MEIKIN: variants seen among roughly 807,000 people sequenced by gnomAD.
MEIKIN encodes the protein meiosis-specific kinetochore protein.
In MEIKIN at chr5:131,885,366, AGAGAGAGAGAGAGAG is replaced by A. The variant is rs1750769859; in HGVS notation, c.704-6333_704-6319del. Among the ~76,000 whole-genome samples the A allele has an allele frequency of 3.6e-3, 250 of 69,062 alleles. 21 individuals are homozygous for A. Among genetic ancestry groups the A allele is most frequent in the African/African-American group, 8.7e-3 (190 of 21,926 alleles). The allele number at this position is 69,062 out of a possible 152,430, so 45.3% of individuals were successfully genotyped here. On this transcript the variant is annotated intron_variant, in intron 8 of 12. Coordinates refer to ENST00000442687, the MANE Select transcript of MEIKIN (RefSeq NM_001303622.2). ...AAGAGAGAGAGAGAGAGAGAGAGAGAGAGAGAGAGAGAGAGAGAGAGAGAGAGAGAGAGAGAGAGA... is the reference window on the plus strand; with the variant it reads ...AAGAGAGAGAGAGAGAGAGAGAGAGAAGAGAGAGAGAGAGAGAGAGAGAGA...
intron 9 of MEIKIN, among the ~76,000 whole-genome samples, chr5:131,869,174 C>A (rs1024885655): frequency 6.6e-6 from 1 of 152,150 alleles, no homozygotes; most frequent in Non-Finnish European, 1.5e-5. Flanking sequence ...AGGTCTGTGT[C>A]TAGGTTCATG....
chr5:131,894,522 T>A (rs530635576), intron 8 of MEIKIN, among the ~76,000 whole-genome samples: 1 of 152,372 alleles, frequency 6.6e-6, no homozygotes, highest in South Asian at 2.1e-4. Context: ...TGATTCTTCC[T>A]ATCCATGTGC....
chr5:131,834,601 T>C (rs1425716418), intron 11 of MEIKIN, among the ~76,000 whole-genome samples: 1 of 152,220 alleles, frequency 6.6e-6, no homozygotes, highest in Non-Finnish European at 1.5e-5. Context: ...TATGTGTGGC[T>C]TATTTCACTT....
chr5:131,839,110 C>T (rs1749861211), intron 11 of MEIKIN, among the ~76,000 whole-genome samples: 1 of 152,254 alleles, frequency 6.6e-6, no homozygotes, highest in South Asian at 2.1e-4. Flanking sequence ...TCATTATTTA[C>T]CCAAATGTCA....
chr5:131,935,659 T>G (rs769265011), intron 4 of MEIKIN, among the ~76,000 whole-genome samples: 28 of 152,174 alleles, frequency 1.8e-4, no homozygotes, highest in Non-Finnish European at 2.9e-5. Flanking sequence ...TGAAAACCTA[T>G]TATCTCCTGC....
intron 8 of MEIKIN, among the ~76,000 whole-genome samples, chr5:131,882,073 AT>A (rs1727196979): frequency 1.3e-5 from 2 of 151,966 alleles, no homozygotes; most frequent in Admixed American, 1.3e-4. Context: ...CTTGACTTCT[AT>A]TTTTTTCTCT....
At chr5:131,807,609 T>TC (rs1359881427) in intron 12 of MEIKIN, among the ~76,000 whole-genome samples, 1 of 152,194 alleles carries the variant, frequency 6.6e-6, no homozygotes, top group East Asian at 1.9e-4. Context: ...CATGACCCTG[T>TC]CCTCAGCCAC....
chr5:131,807,999 C>G (rs966039084), intron 12 of MEIKIN, among the ~76,000 whole-genome samples: 1 of 152,198 alleles, frequency 6.6e-6, no homozygotes, highest in African/African-American at 2.4e-5. Context: ...ACACCTGTAT[C>G]TTTGCTATTC....
At chr5:131,880,484 C>T (rs1443302044) in intron 8 of MEIKIN, among the ~76,000 whole-genome samples, 1 of 151,270 alleles carries the variant, frequency 6.6e-6, no homozygotes, top group African/African-American at 2.4e-5. Context: ...TCAAGTGATC[C>T]GCCTGCCTCG....
intron 11 of MEIKIN, among the ~76,000 whole-genome samples, chr5:131,848,706 C>G (rs1750060181): frequency 6.6e-6 from 1 of 152,136 alleles, no homozygotes; most frequent in Non-Finnish European, 1.5e-5. Flanking sequence ...AGTGTCTTTT[C>G]TGGACAATAC....
chr5:131,905,084 C>A (rs1050359292), intron 8 of MEIKIN, among the ~76,000 whole-genome samples: 8 of 152,004 alleles, frequency 5.3e-5, no homozygotes, highest in African/African-American at 1.9e-4. Flanking sequence ...ACCTATGTAA[C>A]AAACCTGCAC....
At chr5:131,898,028 A>G (rs947078457) in intron 8 of MEIKIN, among the ~76,000 whole-genome samples, 1 of 152,070 alleles carries the variant, frequency 6.6e-6, no homozygotes, top group Admixed American at 6.6e-5. Flanking sequence ...GTTTCCTCCC[A>G]TCTTTGTGGT....
rs1158220526 is a variant in MEIKIN, at chr5:131,845,272, T to TAAAAAAAAAAAAAAAAA, written c.975+5975_975+5991dup. On this transcript the variant is annotated intron_variant, in intron 11 of 12. Transcript: ENST00000442687. Reference sequence around the variant, plus strand: ...GTGACAGAGCGAGAAGACTTCGTCTTAAAAAAAAAAAAAAAAAAAAAAAAA... The same window carrying TAAAAAAAAAAAAAAAAA: ...GTGACAGAGCGAGAAGACTTCGTCTTAAAAAAAAAAAAAAAAAAAAAAAAAAAAAAAAAAAAAAAAAA... Among the ~76,000 whole-genome samples the TAAAAAAAAAAAAAAAAA allele has an allele frequency of 4.9e-4, 22 of 45,360 alleles. 3 individuals carry two copies. The highest frequency in any genetic ancestry group is 2.9e-3 in the African/African-American group (21 of 7,162). 29.8% of individuals were successfully genotyped at this position (45,360 alleles called of 152,430 possible).
chr5:131,937,860 G>T (rs1021921431), intron 4 of MEIKIN, among the ~76,000 whole-genome samples: 6 of 150,170 alleles, frequency 4.0e-5, no homozygotes, highest in South Asian at 2.1e-4. Flanking sequence ...ACTTGGTGTG[G>T]TTTTTTTTTC....
chr5:131,870,024 A>G (rs1366342664), intron 9 of MEIKIN, among the ~76,000 whole-genome samples: 1 of 152,138 alleles, frequency 6.6e-6, no homozygotes, highest in African/African-American at 2.4e-5. Flanking sequence ...AGATTCTTAC[A>G]CTGCTGCACT....
intron 5 of MEIKIN, among the ~76,000 whole-genome samples, chr5:131,926,272 T>C (rs1359831260): frequency 1.3e-5 from 2 of 152,210 alleles, no homozygotes; most frequent in African/African-American, 4.8e-5. Flanking sequence ...TCAAATCATT[T>C]TGCTGCATCT....
At chr5:131,847,072 A>T (rs1471792910) in intron 11 of MEIKIN, among the ~76,000 whole-genome samples, 2 of 152,138 alleles carry the variant, frequency 1.3e-5, no homozygotes, top group Non-Finnish European at 2.9e-5. Flanking sequence ...AGGAAATAAG[A>T]AATAAATTCA....
At chr5:131,899,820 G>A (rs1751125699) in intron 8 of MEIKIN, among the ~76,000 whole-genome samples, 1 of 152,124 alleles carries the variant, frequency 6.6e-6, no homozygotes, top group Admixed American at 6.6e-5. Flanking sequence ...GATATATAAA[G>A]CAAACATATT....
At chr5:131,912,527 T>C (rs933887534) in intron 7 of MEIKIN, among the ~76,000 whole-genome samples, 2 of 152,148 alleles carry the variant, frequency 1.3e-5, no homozygotes, top group Admixed American at 1.3e-4. Context: ...AAAAATGGGA[T>C]TTCTGAGTCC....
Sources: allele counts gnomAD v4.1 joint callset (sites outside exome capture counted in the v4.1 genomes callset), GRCh38; gene constraint gnomAD v4.1.1; transcripts MANE v1.5; gene names NCBI Gene and HGNC (gene_info 2026-07-23, HGNC 2026-07-21).